The following SPATS2 variants were observed in gnomAD, a reference collection of about 807,000 sequenced individuals.
The protein encoded by SPATS2 is spermatogenesis associated serine rich 2, also known as spermatogenesis-associated serine-rich protein 2.
Under a neutral mutation model 63.7 loss-of-function variants are expected in SPATS2, and 38 were observed. That is an observed-to-expected ratio of 0.60 (90% CI 0.46 to 0.78). The LOEUF is 0.78. Among genes scored for constraint, SPATS2 ranks in the 30% least tolerant of loss-of-function variants. The pLI, the probability that SPATS2 is intolerant of heterozygous loss-of-function variation, is 0.00. For synonymous variants in SPATS2, 207 were observed against 232.9 expected (o/e 0.89, Z 1.01); for missense variants, 588 against 666.2 (o/e 0.88, Z 1.29).
chr12:49,507,105 T>C (rs1227658790), intron 9 of SPATS2, among the ~76,000 whole-genome samples: 1 of 152,208 alleles, frequency 6.6e-6, no homozygotes, highest in African/African-American at 2.4e-5. Flanking sequence ...TATTCAATGT[T>C]CTTTTGATTT....
chr12:49,484,710 G>A, intron 4 of SPATS2, 41 bp downstream of exon 4: 1 of 1,574,086 alleles, frequency 6.4e-7, no homozygotes, highest in Non-Finnish European at 8.7e-7. Context: ...AAATGTCATA[G>A]GAAAATTTAG....
intron 2 of SPATS2, among the ~76,000 whole-genome samples, chr12:49,375,813 ACTT>A (rs1200032720): frequency 6.6e-6 from 1 of 151,570 alleles, no homozygotes; most frequent in Non-Finnish European, 1.5e-5. Context: ...TGTAGCTTAA[ACTT>A]CTTTTTTTTT....
intron 2 of SPATS2, among the ~76,000 whole-genome samples, chr12:49,460,478 G>T (rs1945802870): frequency 6.6e-6 from 1 of 152,032 alleles, no homozygotes; most frequent in African/African-American, 2.4e-5. Flanking sequence ...AGATCTTAGG[G>T]AGTGGTAAGA....
intron 2 of SPATS2, among the ~76,000 whole-genome samples, chr12:49,440,806 G>T (rs1484150137): frequency 6.6e-6 from 1 of 152,138 alleles, no homozygotes; most frequent in African/African-American, 2.4e-5. Flanking sequence ...TTGGCAGATT[G>T]TCCTTCAATT....
chr12:49,452,420 C>T (rs1945639346), intron 2 of SPATS2, among the ~76,000 whole-genome samples: 1 of 152,234 alleles, frequency 6.6e-6, no homozygotes, highest in South Asian at 2.1e-4. Context: ...GCTGGGGCTA[C>T]AGGCATGCGC....
intron 10 of SPATS2, among the ~76,000 whole-genome samples, chr12:49,517,761 A>G (rs1468011896): frequency 6.6e-6 from 1 of 152,166 alleles, no homozygotes; most frequent in Admixed American, 6.5e-5. Flanking sequence ...AGTTCTGCTT[A>G]TATCTCAATG....
At chr12:49,510,180 T>C (rs1401909208) in intron 9 of SPATS2, among the ~76,000 whole-genome samples, 11 of 151,636 alleles carry the variant, frequency 7.3e-5, no homozygotes, top group Admixed American at 6.6e-4. Context: ...GGAGGATTGC[T>C]TGAGCCCAGG....
chr12:49,411,363 C>T (rs1259352569), intron 2 of SPATS2, among the ~76,000 whole-genome samples: 4 of 151,956 alleles, frequency 2.6e-5, no homozygotes, highest in Non-Finnish European at 4.4e-5. Flanking sequence ...CAAATACTAG[C>T]TTATCTTGAT....
At chr12:49,376,768 A>G (rs1000935850) in intron 2 of SPATS2, among the ~76,000 whole-genome samples, 8 of 118,924 alleles carry the variant, frequency 6.7e-5, no homozygotes, top group Non-Finnish European at 1.1e-4. Context: ...CCCAGGCTGG[A>G]GTGCAGTGGT....
chr12:49,369,620 G>T (rs1292774757), intron 1 of SPATS2, among the ~76,000 whole-genome samples: 2 of 152,174 alleles, frequency 1.3e-5, no homozygotes, highest in Non-Finnish European at 2.9e-5. Context: ...CTGTGATTTA[G>T]ATGAAGATTA....
chr12:49,404,976 C>T (rs550186256), intron 2 of SPATS2, among the ~76,000 whole-genome samples: 5 of 148,372 alleles, frequency 3.4e-5, no homozygotes, highest in African/African-American at 1.3e-4. Flanking sequence ...GGAACACAAC[C>T]ATGCTCATTT....
At chr12:49,460,305 T>C (rs1945799664) in intron 2 of SPATS2, among the ~76,000 whole-genome samples, 1 of 151,562 alleles carries the variant, frequency 6.6e-6, no homozygotes, top group African/African-American at 2.4e-5. Context: ...AATACAAAAA[T>C]TAGCTGGGCG....
chr12:49,449,371 A>T (rs147448001), intron 2 of SPATS2, among the ~76,000 whole-genome samples: 262 of 152,174 alleles, frequency 1.7e-3, no homozygotes, highest in African/African-American at 5.8e-3. Context: ...ACGTGCCACC[A>T]CACCCAGCTA....
intron 3 of SPATS2, among the ~76,000 whole-genome samples, chr12:49,466,299 A>G (rs1193226190): frequency 1.3e-5 from 2 of 151,816 alleles, no homozygotes; most frequent in Admixed American, 1.3e-4. Flanking sequence ...AGTAGCTGGG[A>G]TTACAGGCGC....
At chr12:49,402,878 C>T (rs541421163) in intron 2 of SPATS2, among the ~76,000 whole-genome samples, 2 of 152,234 alleles carry the variant, frequency 1.3e-5, no homozygotes, top group East Asian at 3.9e-4. Flanking sequence ...GAAAACACTA[C>T]GGATAGGACT....
chr12:49,374,859 G>C (rs568749056), intron 2 of SPATS2, among the ~76,000 whole-genome samples: 3 of 150,800 alleles, frequency 2.0e-5, no homozygotes, highest in African/African-American at 7.4e-5. Flanking sequence ...TACTCAGGAG[G>C]CTGAGGCAGG....
intron 2 of SPATS2, among the ~76,000 whole-genome samples, chr12:49,409,450 T>C (rs1159609790): frequency 2.1e-5 from 3 of 142,264 alleles, no homozygotes; most frequent in Admixed American, 2.1e-4. Context: ...GGACTACAGG[T>C]GCCCACCACC....
intron 13 of SPATS2, 84 bp downstream of exon 13, chr12:49,524,980 T>C: frequency 2.3e-6 from 3 of 1,332,584 alleles, no homozygotes; most frequent in Non-Finnish European, 3.1e-6. Flanking sequence ...CAGTATATTA[T>C]CTTCCTCTCT....
chr12:49,429,772 C>CTCT (rs1216615374), intron 2 of SPATS2, among the ~76,000 whole-genome samples: 2 of 137,016 alleles, frequency 1.5e-5, no homozygotes, highest in Admixed American at 7.4e-5. Context: ...TTAGGTCTTT[C>CTCT]TCTTCTTCTT....
Sources: gnomAD v4.1 joint callset for allele counts (sites outside exome capture counted in the v4.1 genomes callset) on GRCh38, gnomAD v4.1.1 for gene constraint, MANE v1.5 for transcripts, NCBI Gene and HGNC (gene_info 2026-07-23, HGNC 2026-07-21) for gene names.